The following KCNT2 variants were observed in gnomAD, a reference collection of about 807,000 sequenced individuals.
The protein encoded by KCNT2 is potassium sodium-activated channel subfamily T member 2.
KCNT2 carries 67 observed loss-of-function variants against 153.8 expected under a neutral mutation model. The observed-to-expected ratio is 0.44, with a 90% CI of 0.36 to 0.53. KCNT2 has a LOEUF of 0.53. KCNT2 is among the 20% of genes least tolerant of loss of function. The pLI is 0.00. For synonymous variants in KCNT2, 500 were observed against 458.8 expected (o/e 1.09, Z -1.15); for missense variants, 975 against 1,354.8 (o/e 0.72, Z 4.40).
intron 25 of KCNT2, among the ~76,000 whole-genome samples, chr1:196,279,241 A>T (rs1034904105): frequency 1.4e-4 from 21 of 152,062 alleles, no homozygotes; most frequent in African/African-American, 5.1e-4. Context: ...AGTATTCTTA[A>T]AATTTTAGGC....
chr1:196,455,866 C>G (rs1676623299), intron 8 of KCNT2, among the ~76,000 whole-genome samples: 1 of 151,988 alleles, frequency 6.6e-6, no homozygotes, highest in Non-Finnish European at 1.5e-5. Flanking sequence ...TGACCCTGTT[C>G]TCAAATTTCC....
chr1:196,604,489 A>G (rs1665099179), intron 1 of KCNT2, among the ~76,000 whole-genome samples: 1 of 152,204 alleles, frequency 6.6e-6, no homozygotes, highest in African/African-American at 2.4e-5. Context: ...ATATATACAA[A>G]AGACATCCCT....
intron 22 of KCNT2, among the ~76,000 whole-genome samples, chr1:196,294,757 G>T (rs1660524989): frequency 6.6e-6 from 1 of 151,676 alleles, no homozygotes; most frequent in African/African-American, 2.4e-5. Flanking sequence ...AGCAACCTAG[G>T]TGTCCATCAT....
intron 8 of KCNT2, among the ~76,000 whole-genome samples, chr1:196,442,376 T>C (rs1364527644): frequency 1.3e-5 from 2 of 151,850 alleles, no homozygotes; most frequent in Admixed American, 6.6e-5. Context: ...TACTATTAAG[T>C]GTCAGGCACA....
intron 1 of KCNT2, among the ~76,000 whole-genome samples, chr1:196,599,213 C>A (rs936950164): frequency 1.3e-5 from 2 of 152,190 alleles, no homozygotes; most frequent in Non-Finnish European, 2.9e-5. Flanking sequence ...GACATCTGGA[C>A]CCTGTTGTTA....
At chr1:196,581,695 T>C (rs1437334640) in intron 1 of KCNT2, among the ~76,000 whole-genome samples, 1 of 152,082 alleles carries the variant, frequency 6.6e-6, no homozygotes, top group Non-Finnish European at 1.5e-5. Flanking sequence ...ATAAAAACTT[T>C]CCAAAAAGAG....
At chr1:196,475,735 C>T (rs1678476280) in intron 5 of KCNT2, among the ~76,000 whole-genome samples, 2 of 152,132 alleles carry the variant, frequency 1.3e-5, no homozygotes, top group Non-Finnish European at 2.9e-5. Context: ...TTATCAAACA[C>T]TCTGTTGAAG....
At chr1:196,256,612 T>C (rs1656526771) in intron 26 of KCNT2, among the ~76,000 whole-genome samples, 1 of 151,632 alleles carries the variant, frequency 6.6e-6, no homozygotes, top group Non-Finnish European at 1.5e-5. Context: ...GATATAATTA[T>C]TTTTCTTTAG....
chr1:196,468,185 T>C (rs1301268058), intron 6 of KCNT2, among the ~76,000 whole-genome samples: 1 of 152,100 alleles, frequency 6.6e-6, no homozygotes, highest in Non-Finnish European at 1.5e-5. Flanking sequence ...CTCTTTATGT[T>C]AAACCACTTT....
chr1:196,532,019 T>C (rs1190806391), intron 1 of KCNT2, among the ~76,000 whole-genome samples: 4 of 152,046 alleles, frequency 2.6e-5, no homozygotes, highest in East Asian at 3.9e-4. Flanking sequence ...CTCAATAGTA[T>C]AGTAAAGTGT....
intron 1 of KCNT2, among the ~76,000 whole-genome samples, chr1:196,562,352 GCATTCAAAAGGAAGGAGGGTA>G (rs1279879347): frequency 2.0e-5 from 3 of 152,028 alleles, no homozygotes; most frequent in African/African-American, 7.2e-5. Context: ...AGTTGTGCCT[GCATTCAAAAGGAAGGAGGGTA>G]TGTTGAGGCA....
chr1:196,345,886 A>C (rs1455527274), intron 14 of KCNT2, among the ~76,000 whole-genome samples: 1 of 152,188 alleles, frequency 6.6e-6, no homozygotes. Context: ...TGCTTACAAG[A>C]CATCATGGGG....
chr1:196,466,918 CA>C (rs1677670629), intron 7 of KCNT2, among the ~76,000 whole-genome samples: 1 of 151,930 alleles, frequency 6.6e-6, no homozygotes. Flanking sequence ...GGGTATAATG[CA>C]ACTGGGGCAC....
At chr1:196,411,660 A>G (rs199824156) in intron 12 of KCNT2, among the ~76,000 whole-genome samples, 1 of 151,778 alleles carries the variant, frequency 6.6e-6, no homozygotes, top group East Asian at 2.0e-4. Context: ...TTATTTTCTG[A>G]ATTTCCTTTT....
At chr1:196,511,959 G>T (rs1029186781) in intron 1 of KCNT2, among the ~76,000 whole-genome samples, 1 of 152,094 alleles carries the variant, frequency 6.6e-6, no homozygotes, top group African/African-American at 2.4e-5. Context: ...TTAGCAACAG[G>T]TCTGAAATCA....
intron 21 of KCNT2, among the ~76,000 whole-genome samples, chr1:196,309,957 G>A (rs1022405624): frequency 6.6e-6 from 1 of 151,822 alleles, no homozygotes; most frequent in African/African-American, 2.4e-5. Context: ...AAATATAATT[G>A]TGGAGATGTG....
intron 16 of KCNT2, 113 bp from the exon 17 acceptor site, chr1:196,334,173 GA>G: frequency 1.2e-5 from 8 of 640,348 alleles, no homozygotes; most frequent in Non-Finnish European, 1.9e-5. Flanking sequence ...TATATAGAGA[GA>G]GTATATATTT....
chr1:196,541,066 AAAATAAAT>A (rs1226552421), intron 1 of KCNT2, among the ~76,000 whole-genome samples: 1 of 151,316 alleles, frequency 6.6e-6, no homozygotes, highest in Non-Finnish European at 1.5e-5. Flanking sequence ...AGTCCGTCTC[AAAATAAAT>A]AAATAAATAA....
intron 1 of KCNT2, among the ~76,000 whole-genome samples, chr1:196,547,724 AT>A (rs1471103476): frequency 2.6e-5 from 4 of 152,070 alleles, no homozygotes; most frequent in African/African-American, 9.6e-5. Flanking sequence ...CATCAATAAT[AT>A]TTTTGAGTGA....
Sources: allele counts gnomAD v4.1 joint callset (sites outside exome capture counted in the v4.1 genomes callset), GRCh38; gene constraint gnomAD v4.1.1; transcripts MANE v1.5; gene names NCBI Gene and HGNC (gene_info 2026-07-23, HGNC 2026-07-21).